Variants in MYLK observed in about 807,000 individuals in gnomAD.
The protein encoded by MYLK is myosin light chain kinase.
Under a neutral mutation model 203.4 loss-of-function variants are expected in MYLK, and 106 were observed. That is an observed-to-expected ratio of 0.52 (90% CI 0.45 to 0.61). The LOEUF (loss-of-function observed/expected upper bound fraction) is 0.61. Among genes scored for constraint, MYLK ranks in the 20% least tolerant of loss-of-function variants. The pLI, the probability that MYLK is intolerant of heterozygous loss-of-function variation, is 0.00. For missense variants in MYLK, 2,072 were observed against 2,442.3 expected (o/e 0.85, Z 3.20); for synonymous variants, 867 against 959.5 (o/e 0.90, Z 1.78).
chr3:123,618,280 A>C lies in MYLK; in HGVS notation c.5500+359T>G, dbSNP rs1357251674. On this transcript the variant is annotated intron_variant, in intron 33 of 33. Coordinates refer to ENST00000360304, the MANE Select transcript of MYLK (RefSeq NM_053025.4). ...GTGCCAGCCTTCCTTTGAGGGCCTC[A>C]TATGGGCAAGTCACATGCTTTTCAG... is the stretch of plus-strand genomic sequence containing the variant. 1.3e-5 allele frequency: 4 copies of C among 306,550 alleles called. No individual in the cohort carries two copies. In the Admixed American group the frequency reaches 1.4e-4, roughly 11 times the overall value. 19.0% of individuals were successfully genotyped at this position (306,550 alleles called of 1,614,324 possible).
intron 24 of MYLK, among the ~76,000 whole-genome samples, chr3:123,653,990 GT>G (rs1560022684): frequency 5.7e-5 from 7 of 123,122 alleles, no homozygotes; most frequent in African/African-American, 2.6e-4. Context: ...GGGATGTTGT[GT>G]GTGTGTGTGT....
intron 2 of MYLK, among the ~76,000 whole-genome samples, chr3:123,848,754 A>G (rs1366737114): frequency 1.3e-5 from 2 of 152,306 alleles, no homozygotes; most frequent in East Asian, 1.9e-4. Context: ...GGCAGCAAGC[A>G]TGAGTATGAA....
Position 123,739,023 on chromosome 3 carries a change from G to A in MYLK, c.462C>T (p.Ser154=). ...FSAPAVETRP[S]IWGECPPKFA... ...ACTTTGGTGGGCACTCCCCCCAGAT[G>A]CTAGGACGGGTCTCCACTGCTGGAG... The change falls in exon 7 of 34, where the codon AGC becomes AGT. Residue 154 remains serine (S), a synonymous_variant. Transcript: ENST00000360304. 2.5e-6 allele frequency: 4 copies of A among 1,613,932 alleles called. No individual in the cohort carries two copies. The highest frequency in any genetic ancestry group is 2.7e-5 in the African/African-American group (2 of 75,028).
intron 16 of MYLK, among the ~76,000 whole-genome samples, chr3:123,705,485 G>A (rs542715445): frequency 7.9e-5 from 12 of 152,308 alleles, no homozygotes; most frequent in African/African-American, 2.6e-4. Flanking sequence ...AAAAGATGAG[G>A]GCTTGAACTT....
intron 19 of MYLK, among the ~76,000 whole-genome samples, chr3:123,687,450 G>A (rs2060495024): frequency 6.6e-6 from 1 of 152,124 alleles, no homozygotes; most frequent in Non-Finnish European, 1.5e-5. Context: ...GTTTGCCTGA[G>A]ATGAGGCTAT....
At chr3:123,764,533 C>T (rs1034991652) in intron 4 of MYLK, among the ~76,000 whole-genome samples, 1 of 152,162 alleles carries the variant, frequency 6.6e-6, no homozygotes. Flanking sequence ...GAGGGAAGAC[C>T]ATCGCAGGGT....
chr3:123,725,956 A>G lies in MYLK; in HGVS notation c.1639T>C (p.Trp547Arg), dbSNP rs2062265076. The G allele has an allele frequency of 1.2e-6, 2 of 1,613,914 alleles. No individual in the cohort carries two copies. The highest frequency in any genetic ancestry group is 2.7e-5 in the African/African-American group (2 of 74,946). ...AGGGGGAACTCACCATTCAGCAGCC[A>G]AGTGATCCGGGGCACTGGGGTCCCC... Reference protein sequence around the residue: ...VRGTPVPRITWLLNGQPIQYA... With the variant: ...VRGTPVPRITRLLNGQPIQYA... The change falls in exon 12 of 34, where the codon TGG (tryptophan) becomes CGG (arginine). Residue 547 changes from tryptophan to arginine, a missense_variant. Trp to Arg is a moderately radical substitution (Grantham distance 101, BLOSUM62 -3). Transcript: ENST00000360304.
Position 123,732,895 on chromosome 3 carries a change from C to G in MYLK, c.1516+1G>C. 3.1e-6 allele frequency: 5 copies of G among 1,613,496 alleles called. No homozygotes were observed. The highest frequency in any genetic ancestry group is 1.7e-6 in the Non-Finnish European group (2 of 1,179,590). On this transcript the variant is annotated splice_donor_variant, in intron 11 of 33. Coordinates refer to ENST00000360304, the MANE Select transcript of MYLK (RefSeq NM_053025.4). LOFTEE classifies it high-confidence loss of function. ...GGGGTGACCTGGAGAAGTGTACTCA[C>G]TTTCCACTTGGAGGGTCCAGCTACA... is the stretch of plus-strand genomic sequence containing the variant.
chr3:123,707,968 T>C lies in MYLK; in HGVS notation c.2176A>G (p.Lys726Glu). 6.2e-7 allele frequency: 1 copy of C among 1,614,172 alleles called. No individual in the cohort carries two copies. The highest frequency in any genetic ancestry group is 1.1e-5 in the South Asian group (1 of 91,064). Residue 726 changes from lysine to glutamate, a missense_variant, in exon 16 of 34, where the codon AAG (lysine) becomes GAG (glutamate). Physicochemically the swap from Lys to Glu is moderately conservative, Grantham distance 56 (BLOSUM62 1). This residue lies in a region of MYLK where 865 missense variants were observed against 1,016.0 expected (regional missense o/e 0.85). Transcript: ENST00000360304. The stretch of plus-strand genomic sequence containing the variant: ...AGGGAGGCTGTCACTGAGCGAGGCT[T>C]ACTGATGAACCAGGGCTGGGTGCCA... ...HDGTQPWFIS[K>E]PRSVTASLGQ...
chr3:123,872,227 G>C (rs970852311), intron 2 of MYLK, among the ~76,000 whole-genome samples: 9 of 152,098 alleles, frequency 5.9e-5, no homozygotes, highest in African/African-American at 2.2e-4. Context: ...GTAGAGAGTT[G>C]AATAAAGTAC....
rs972053316 is a variant in MYLK at position 123,611,170 on chromosome 3, C to T, written c.*2935G>A. On this transcript the variant is annotated 3_prime_UTR_variant, in exon 34 of 34. Transcript: ENST00000360304. ...GGACAATGGATTGTTTCTTTCCAGACTACATCAAAGAATCAGAGAATTATC... is the reference window on the plus strand; with the variant it reads ...GGACAATGGATTGTTTCTTTCCAGATTACATCAAAGAATCAGAGAATTATC... 1.3e-5 allele frequency: 2 copies of T among 152,140 alleles called. No homozygotes were observed. Among genetic ancestry groups the T allele is most frequent in the African/African-American group, 4.8e-5 (2 of 41,422 alleles). 9.4% of individuals were successfully genotyped at this position (152,140 alleles called of 1,614,324 possible).
At chr3:123,761,792 G>A (rs374212621) in intron 4 of MYLK, among the ~76,000 whole-genome samples, 2 of 152,160 alleles carry the variant, frequency 1.3e-5, no homozygotes, top group African/African-American at 2.4e-5. Flanking sequence ...TTGGGAGGCC[G>A]AGGCAGGTGG....
At chr3:123,789,844 C>T (rs537324791) in intron 4 of MYLK, among the ~76,000 whole-genome samples, 5 of 152,204 alleles carry the variant, frequency 3.3e-5, no homozygotes, top group East Asian at 1.9e-4. Flanking sequence ...ATGAATTCTT[C>T]GAGAATGATT....
intron 2 of MYLK, among the ~76,000 whole-genome samples, chr3:123,859,007 T>C (rs1468886757): frequency 4.6e-5 from 7 of 152,218 alleles, no homozygotes; most frequent in Non-Finnish European, 1.0e-4. Flanking sequence ...ATAATTTAAA[T>C]AGTATATAAA....
chr3:123,844,306 A>G (rs1269654592), intron 2 of MYLK, among the ~76,000 whole-genome samples: 1 of 152,138 alleles, frequency 6.6e-6, no homozygotes, highest in Non-Finnish European at 1.5e-5. Flanking sequence ...GGAGGAATCC[A>G]TGGTGGCATG....
intron 3 of MYLK, among the ~76,000 whole-genome samples, chr3:123,819,787 CTTTTT>C (rs5852369): frequency 1.1e-4 from 8 of 74,530 alleles, no homozygotes; most frequent in South Asian, 5.1e-4. Context: ...TCTAAGCCTC[CTTTTT>C]TTTTTTTTTT....
At position 123,827,743 on chromosome 3, in the gene MYLK, A is replaced by G. The variant is rs1432236513; in HGVS notation, c.-4+3805T>C. Among the ~76,000 whole-genome samples the G allele has an allele frequency of 2.5e-3, 296 of 116,088 alleles. 1 individual carries two copies. The highest frequency in any genetic ancestry group is 9.2e-3 in the African/African-American group (276 of 29,900). 76.2% of individuals were successfully genotyped at this position (116,088 alleles called of 152,430 possible). On this transcript the variant is annotated intron_variant, in intron 3 of 33. Coordinates refer to ENST00000360304, the MANE Select transcript of MYLK (RefSeq NM_053025.4). Reference sequence around the variant, plus strand: ...TATATATATATATATATATATATATATATATAAAGACTCTACCAAAAAACT... The same window carrying G: ...TATATATATATATATATATATATATGTATATAAAGACTCTACCAAAAAACT...
At chr3:123,822,674 C>T (rs2065977753) in intron 3 of MYLK, among the ~76,000 whole-genome samples, 1 of 152,220 alleles carries the variant, frequency 6.6e-6, no homozygotes, top group Non-Finnish European at 1.5e-5. Flanking sequence ...AAGAATCTGA[C>T]ACATTTGTGC....
chr3:123,728,584 A>G (rs1441032907), intron 11 of MYLK, among the ~76,000 whole-genome samples: 1 of 138,900 alleles, frequency 7.2e-6, no homozygotes, highest in Non-Finnish European at 1.5e-5. Flanking sequence ...CAAACAACAA[A>G]CAACAACAAC....
Sources: gnomAD v4.1 joint callset for allele counts (sites outside exome capture counted in the v4.1 genomes callset) on GRCh38, gnomAD v4.1.1 for gene constraint, gnomAD v4.1.1 regional missense constraint, MANE v1.5 for transcripts, NCBI Gene and HGNC (gene_info 2026-07-23, HGNC 2026-07-21) for gene names.